The following INPP5F variants were observed in gnomAD, a reference collection of about 807,000 sequenced individuals.
The protein encoded by INPP5F is phosphatidylinositide 4-phosphatase SAC2.
A neutral mutation model predicts 137.2 loss-of-function variants in INPP5F; 97 were observed. That is an observed-to-expected ratio of 0.71 (90% CI 0.60 to 0.84). The LOEUF (loss-of-function observed/expected upper bound fraction) is 0.84. Ranked by LOEUF, INPP5F falls within the 40% of genes least tolerant of loss-of-function variation. The pLI is 0.00. For missense variants in INPP5F, 1,271 were observed against 1,371.9 expected (o/e 0.93, Z 1.16); for synonymous variants, 504 against 476.9 (o/e 1.06, Z -0.74).
At chr10:119,770,250 T>C (rs1849298343) in intron 2 of INPP5F, among the ~76,000 whole-genome samples, 1 of 152,226 alleles carries the variant, frequency 6.6e-6, no homozygotes, top group South Asian at 2.1e-4. Context: ...GAAAGAAATC[T>C]TTATGCCATC....
At chr10:119,781,047 T>G (rs553020815) in intron 2 of INPP5F, among the ~76,000 whole-genome samples, 1 of 152,348 alleles carries the variant, frequency 6.6e-6, no homozygotes, top group African/African-American at 2.4e-5. Context: ...GAATACTTTT[T>G]TGTTTTTTTA....
intron 16 of INPP5F, among the ~76,000 whole-genome samples, chr10:119,821,918 G>A (rs1210175645): frequency 2.1e-5 from 3 of 142,036 alleles, no homozygotes; most frequent in African/African-American, 7.9e-5. Flanking sequence ...GCCCAGGCTG[G>A]AGTGCAATGG....
chr10:119,810,378 T>G (rs1013861376), intron 14 of INPP5F, among the ~76,000 whole-genome samples, 161 bp downstream of exon 14: 3 of 152,184 alleles, frequency 2.0e-5, no homozygotes, highest in Non-Finnish European at 2.9e-5. Context: ...TTTACAAGAT[T>G]AGAATTTGAC....
At chr10:119,764,286 G>C (rs1358496270) in intron 2 of INPP5F, among the ~76,000 whole-genome samples, 2 of 152,136 alleles carry the variant, frequency 1.3e-5, no homozygotes, top group Non-Finnish European at 2.9e-5. Context: ...ATCTCGATTA[G>C]GGCTTTCCAG....
intron 2 of INPP5F, among the ~76,000 whole-genome samples, chr10:119,757,803 T>C (rs1459168123): frequency 1.3e-5 from 2 of 152,020 alleles, no homozygotes; most frequent in African/African-American, 2.4e-5. Flanking sequence ...AAAAAAAGAA[T>C]GGTAGTCAAT....
Position 119,773,856 on chromosome 10 carries a change from C to T in INPP5F, c.179-7779C>T, listed in dbSNP as rs550318548. On this transcript the variant is annotated intron_variant, in intron 2 of 19. Coordinates refer to ENST00000650623, the MANE Select transcript of INPP5F (RefSeq NM_014937.4). ...TAGCTGGAATTACAGGTGCAGGCCACCACGCCTGGTGTTACCATAGTTCTG... is the reference window on the plus strand; with the variant it reads ...TAGCTGGAATTACAGGTGCAGGCCATCACGCCTGGTGTTACCATAGTTCTG... 2.0e-5 allele frequency among the ~76,000 whole-genome samples: 3 copies of T among 152,292 alleles called. No individual in the cohort carries two copies. In the East Asian group the frequency reaches 5.8e-4, roughly 29 times the overall value.
intron 9 of INPP5F, among the ~76,000 whole-genome samples, chr10:119,800,965 AAAAGT>A (rs980759240): frequency 2.0e-5 from 3 of 151,846 alleles, no homozygotes; most frequent in African/African-American, 7.3e-5. Context: ...AAAAAAAAAA[AAAAGT>A]GGAGGGATAC....
Position 119,726,079 on chromosome 10 carries a change from G to A in INPP5F, c.-184G>A, listed in dbSNP as rs1847872423. On this transcript the variant is annotated 5_prime_UTR_variant, in exon 1 of 20. Transcript: ENST00000650623. ...GGCCTCTACGGCCGCCGCTGCCGCCGCCGCTGCCGGGGCGCGTTCTCCTCC... is the reference window on the plus strand; with the variant it reads ...GGCCTCTACGGCCGCCGCTGCCGCCACCGCTGCCGGGGCGCGTTCTCCTCC... 1 of 371,902 alleles carries A rather than the reference G, an allele frequency of 2.7e-6. No individual in the cohort carries two copies. Among genetic ancestry groups the A allele is most frequent in the Non-Finnish European group, 4.8e-6 (1 of 210,450 alleles). The allele number at this position is 371,902 out of a possible 1,614,324, so 23.0% of individuals were successfully genotyped here.
Position 119,827,242 on chromosome 10 carries a change from A to T in INPP5F, c.2861A>T (p.Lys954Met). Residue 954 changes from lysine to methionine, a missense_variant, in exon 20 of 20, where the codon AAG (lysine) becomes ATG (methionine). Physicochemically the swap from Lys to Met is moderately conservative, Grantham distance 95. Transcript: ENST00000650623. ...GDVHILTGFAKPMDIYCHRFV... is the reference protein window; with the variant it reads ...GDVHILTGFAMPMDIYCHRFV... ...GTACACATATTGACTGGCTTTGCCA[A>T]GCCTATGGATATTTACTGCCACAGA... 6.2e-7 allele frequency: 1 copy of T among 1,614,160 alleles called. No homozygotes were observed. Among genetic ancestry groups the T allele is most frequent in the African/African-American group, 1.3e-5 (1 of 75,060 alleles).
intron 6 of INPP5F, among the ~76,000 whole-genome samples, chr10:119,796,453 C>T (rs1850387746): frequency 6.6e-6 from 1 of 152,148 alleles, no homozygotes; most frequent in Non-Finnish European, 1.5e-5. Flanking sequence ...AAGGGTGACT[C>T]CCCTCAGTGA....
chr10:119,822,659 G>GGTCT (rs766371093), intron 17 of INPP5F, among the ~76,000 whole-genome samples, 155 bp downstream of exon 17: 1 of 152,168 alleles, frequency 6.6e-6, no homozygotes, highest in Non-Finnish European at 1.5e-5. Context: ...ATTTTGATGA[G>GGTCT]GTCTAGGGAA....
rs779113328 is a variant in INPP5F at position 119,792,194 on chromosome 10, A to G, written c.650A>G (p.Gln217Arg). ...TTTTTTTGGAATAAATACATGATAC[A>G]AGATCTTACTGAGATTGGTGTGAGT... ...DRFFWNKYMI[Q>R]DLTEIGTPDV... The change falls in exon 6 of 20, where the codon CAA becomes CGA. Residue 217 changes from glutamine (Q) to arginine (R), a missense_variant. This residue lies in a region of INPP5F where 593 missense variants were observed against 712.4 expected (regional missense o/e 0.83). Coordinates refer to ENST00000650623, the MANE Select transcript of INPP5F (RefSeq NM_014937.4). 2.1e-5 allele frequency: 34 copies of G among 1,613,098 alleles called. No homozygotes were observed. Among genetic ancestry groups the G allele is most frequent in the South Asian group, 3.3e-5 (3 of 91,058 alleles).
Position 119,826,760 on chromosome 10 carries a change from C to T in INPP5F, c.2379C>T (p.Ser793=). Residue 793 remains serine, a synonymous_variant, in exon 20 of 20, where the codon TCC becomes TCT. Coordinates refer to ENST00000650623, the MANE Select transcript of INPP5F (RefSeq NM_014937.4). ...SLNQKVKQTK[S]NVNIGNLRKL... ...ATCAAAAAGTGAAGCAGACCAAATCCAATGTAAATATTGGCAACCTCCGAA... is the reference window on the plus strand; with the variant it reads ...ATCAAAAAGTGAAGCAGACCAAATCTAATGTAAATATTGGCAACCTCCGAA... The T allele has an allele frequency of 6.2e-7, 1 of 1,613,824 alleles. No individual in the cohort carries two copies. The highest frequency in any genetic ancestry group is 8.5e-7 in the Non-Finnish European group (1 of 1,179,928).
intron 6 of INPP5F, among the ~76,000 whole-genome samples, chr10:119,793,974 C>A (rs1850236618): frequency 6.6e-6 from 1 of 152,204 alleles, no homozygotes; most frequent in Non-Finnish European, 1.5e-5. Context: ...TCAGTACTCT[C>A]CTAATTATGT....
In INPP5F at chr10:119,785,411, G is replaced by T. The variant is rs976018887; in HGVS notation, c.315+3640G>T. 3.3e-5 allele frequency among the ~76,000 whole-genome samples: 5 copies of T among 150,550 alleles called. No homozygotes were observed. The East Asian group carries it at 9.9e-4, about 30-fold the overall frequency. ...AACGATTCTCCTGCTTCAGTCTCCC[G>T]AGTAGCTGGGACTACAGGTGCATGC... On this transcript the variant is annotated intron_variant, in intron 3 of 19. Transcript: ENST00000650623.
At position 119,827,926 on chromosome 10, in the gene INPP5F, A is replaced by T. The variant is rs1038678006; in HGVS notation, c.*146A>T. On this transcript the variant is annotated 3_prime_UTR_variant, in exon 20 of 20. Coordinates refer to ENST00000650623, the MANE Select transcript of INPP5F (RefSeq NM_014937.4). ...TTTTAAACGGAGTCGGAACCTGAGT[A>T]GATTTCCAAATTTTACAGCCAGGAC... 4 of 650,970 alleles carry T rather than the reference A, an allele frequency of 6.1e-6. No individual in the cohort carries two copies. The highest frequency in any genetic ancestry group is 3.0e-5 in the Admixed American group (1 of 33,570). 40.3% of individuals were successfully genotyped at this position (650,970 alleles called of 1,614,324 possible).
At chr10:119,826,174 G>C (rs1312631306) in intron 19 of INPP5F, among the ~76,000 whole-genome samples, 1 of 152,172 alleles carries the variant, frequency 6.6e-6, no homozygotes, top group Non-Finnish European at 1.5e-5. Context: ...TGTACAGATG[G>C]TGGCTGTGCT....
At chr10:119,742,914 C>A (rs1170340331) in intron 1 of INPP5F, among the ~76,000 whole-genome samples, 2 of 152,138 alleles carry the variant, frequency 1.3e-5, no homozygotes, top group Admixed American at 1.3e-4. Context: ...ATTGCTTGAA[C>A]CCGGGAGGTG....
chr10:119,762,960 T>C (rs185466603), intron 2 of INPP5F, among the ~76,000 whole-genome samples: 81 of 152,336 alleles, frequency 5.3e-4, no homozygotes, highest in African/African-American at 1.9e-3. Context: ...CGTTTAAATA[T>C]CATCTAACTC....
Sources: allele counts gnomAD v4.1 joint callset (sites outside exome capture counted in the v4.1 genomes callset), GRCh38; gene constraint gnomAD v4.1.1; regional missense constraint gnomAD v4.1.1; transcripts MANE v1.5; gene names NCBI Gene and HGNC (gene_info 2026-07-23, HGNC 2026-07-21).